Variants in FUT9 observed in about 807,000 individuals in gnomAD.
FUT9 encodes 4-galactosyl-N-acetylglucosaminide 3-alpha-L-fucosyltransferase 9.
A neutral mutation model predicts 29.7 loss-of-function variants in FUT9; 15 were observed. That is an observed-to-expected ratio of 0.51 (90% CI 0.34 to 0.78). The LOEUF is 0.78. FUT9 is among the 30% of genes least tolerant of loss of function. The probability of loss-of-function intolerance (pLI) is 0.01; values close to 1 mark genes in which losing one functional copy is unlikely to be tolerated. For missense variants in FUT9, 319 were observed against 425.4 expected (o/e 0.75, Z 2.20); for synonymous variants, 169 against 153.7 (o/e 1.10, Z -0.74).
chr6:96,189,875 G>A (rs1345421084), intron 2 of FUT9, among the ~76,000 whole-genome samples: 1 of 152,134 alleles, frequency 6.6e-6, no homozygotes, highest in Non-Finnish European at 1.5e-5. Context: ...ACCAGTCTGT[G>A]TCTTTTAATT....
intron 2 of FUT9, among the ~76,000 whole-genome samples, chr6:96,135,596 C>A (rs947794839): frequency 1.3e-5 from 2 of 151,680 alleles, no homozygotes; most frequent in Non-Finnish European, 2.9e-5. Context: ...TGCATAAAGA[C>A]ATGCACAGCA....
At chr6:96,064,939 T>C (rs564389982) in intron 1 of FUT9, among the ~76,000 whole-genome samples, 8 of 152,268 alleles carry the variant, frequency 5.3e-5, no homozygotes, top group African/African-American at 1.9e-4. Context: ...AAAGTACATC[T>C]CAAAATATGT....
chr6:96,092,922 G>A (rs1278282288), intron 1 of FUT9, among the ~76,000 whole-genome samples: 2 of 151,820 alleles, frequency 1.3e-5, no homozygotes, highest in African/African-American at 4.8e-5. Flanking sequence ...CACCATGCCT[G>A]GCTAATTAAA....
chr6:96,173,591 T>A (rs564211637), intron 2 of FUT9, among the ~76,000 whole-genome samples: 1 of 152,064 alleles, frequency 6.6e-6, no homozygotes, highest in East Asian at 1.9e-4. Context: ...TCTTTTTTCA[T>A]TTAAACTCTA....
chr6:96,214,932 T>G lies in FUT9; in HGVS notation c.*10697T>G, dbSNP rs1457987026. The G allele has an allele frequency of 1.2e-5, 2 of 166,974 alleles. No individual in the cohort carries two copies. The highest frequency in any genetic ancestry group is 4.8e-5 in the African/African-American group (2 of 41,414). The allele number at this position is 166,974 out of a possible 1,614,324, so 10.3% of individuals were successfully genotyped here. A position where few individuals can be genotyped will look rare whatever the true frequency, so the allele number is the denominator to read the frequency against. On this transcript the variant is annotated 3_prime_UTR_variant, in exon 3 of 3. Transcript: ENST00000302103. ...AATTGACTGTAGCTATTATTCCAAG[T>G]GAAAATCATGCAGCTGAGTCCTGCT...
intron 2 of FUT9, among the ~76,000 whole-genome samples, chr6:96,157,644 G>A (rs1241099339): frequency 6.6e-6 from 1 of 152,112 alleles, no homozygotes; most frequent in Non-Finnish European, 1.5e-5. Flanking sequence ...CCTCAGAAAT[G>A]CCAATGAAGA....
intron 1 of FUT9, among the ~76,000 whole-genome samples, chr6:96,078,263 C>T (rs572195269): frequency 1.1e-4 from 16 of 151,988 alleles, no homozygotes; most frequent in Non-Finnish European, 2.1e-4. Flanking sequence ...CTTTTTCTTG[C>T]TCTCTGGCTG....
chr6:96,156,526 G>A (rs746652986), intron 2 of FUT9, among the ~76,000 whole-genome samples: 2 of 152,182 alleles, frequency 1.3e-5, no homozygotes, highest in Non-Finnish European at 2.9e-5. Context: ...ATAAGCTGAT[G>A]GAGCTGGGTT....
In FUT9 at chr6:96,204,169, C is replaced by A; in HGVS notation, c.1014C>A (p.Cys338Ter). ...RFWESHACLA[C>*]DHVKRHQEYK... ...GGGAATCACATGCATGTTTGGCTTG[C>A]GATCATGTGAAAAGGCATCAAGAAT... is the stretch of plus-strand genomic sequence containing the variant. The change falls in exon 3 of 3, where the codon TGC (cysteine) becomes TGA (stop). Residue 338 changes from cysteine to a stop codon, truncating the protein, a stop_gained. Transcript: ENST00000302103. LOFTEE classifies it high-confidence loss of function. 1 of 1,487,976 alleles carries A rather than the reference C, an allele frequency of 6.7e-7. No homozygotes were observed. The highest frequency in any genetic ancestry group is 9.0e-7 in the Non-Finnish European group (1 of 1,117,274). The allele number at this position is 1,487,976 out of a possible 1,614,324, so 92.2% of individuals were successfully genotyped here. A position where few individuals can be genotyped will look rare whatever the true frequency, so the allele number is the denominator to read the frequency against.
intron 2 of FUT9, among the ~76,000 whole-genome samples, chr6:96,165,739 C>T (rs1168236216): frequency 2.6e-5 from 4 of 151,976 alleles, no homozygotes; most frequent in South Asian, 2.1e-4. Flanking sequence ...CCTCAGCCTC[C>T]GAAATAGCTG....
intron 2 of FUT9, among the ~76,000 whole-genome samples, chr6:96,154,047 G>T (rs1322830119): frequency 6.6e-6 from 1 of 152,126 alleles, no homozygotes; most frequent in Non-Finnish European, 1.5e-5. Context: ...ATGAGTGAGA[G>T]GAAAAAGTAG....
chr6:96,053,438 G>A (rs1026740072), intron 1 of FUT9, among the ~76,000 whole-genome samples: 1 of 152,202 alleles, frequency 6.6e-6, no homozygotes, highest in Non-Finnish European at 1.5e-5. Flanking sequence ...GCCTGGTGCA[G>A]TGGCTCATGC....
chr6:96,210,199 C>T lies in FUT9; in HGVS notation c.*5964C>T, dbSNP rs1220114300. 1 of 166,822 alleles carries T rather than the reference C, an allele frequency of 6.0e-6. No individual in the cohort carries two copies. Among genetic ancestry groups the T allele is most frequent in the South Asian group, 2.1e-4 (1 of 4,822 alleles). 10.3% of individuals were successfully genotyped at this position (166,822 alleles called of 1,614,324 possible). ...GTATTCTATTAAATATGAGGTATTA[C>T]CTTTCTTTAGTTCACCTGGAATCTT... is the stretch of plus-strand genomic sequence containing the variant. On this transcript the variant is annotated 3_prime_UTR_variant, in exon 3 of 3. Transcript: ENST00000302103.
chr6:96,176,895 C>T (rs1470050508), intron 2 of FUT9, among the ~76,000 whole-genome samples: 1 of 152,154 alleles, frequency 6.6e-6, no homozygotes, highest in African/African-American at 2.4e-5. Context: ...TAGTCTTAGG[C>T]TCTGCAGGTC....
intron 1 of FUT9, among the ~76,000 whole-genome samples, chr6:96,028,607 T>A (rs1013049551): frequency 6.6e-6 from 1 of 151,598 alleles, no homozygotes; most frequent in Non-Finnish European, 1.5e-5. Context: ...AAATGTTACA[T>A]CTTCTCCATA....
At chr6:96,016,501 C>T (rs1023944606) in intron 1 of FUT9, among the ~76,000 whole-genome samples, 1 of 152,172 alleles carries the variant, frequency 6.6e-6, no homozygotes, top group African/African-American at 2.4e-5. Flanking sequence ...GGCCCCGACC[C>T]TCTGGTCACC....
intron 1 of FUT9, among the ~76,000 whole-genome samples, chr6:96,056,225 T>C (rs1404569952): frequency 6.6e-6 from 1 of 152,224 alleles, no homozygotes; most frequent in Non-Finnish European, 1.5e-5. Flanking sequence ...AAAATAATGA[T>C]CAATATCTGC....
intron 1 of FUT9, among the ~76,000 whole-genome samples, chr6:96,069,891 AAAGTGCTGGG>A (rs1318051544): frequency 6.6e-6 from 1 of 152,148 alleles, no homozygotes; most frequent in Admixed American, 6.5e-5. Flanking sequence ...TCGGCCTCTC[AAAGTGCTGGG>A]ATTACAGGCG....
At chr6:96,090,407 A>G (rs1771391691) in intron 1 of FUT9, among the ~76,000 whole-genome samples, 2 of 152,196 alleles carry the variant, frequency 1.3e-5, no homozygotes, top group Non-Finnish European at 2.9e-5. Flanking sequence ...ATAGACTACA[A>G]TTTATATATT....
Sources: allele counts gnomAD v4.1 joint callset (sites outside exome capture counted in the v4.1 genomes callset), GRCh38; gene constraint gnomAD v4.1.1; transcripts MANE v1.5; gene names NCBI Gene and HGNC (gene_info 2026-07-23, HGNC 2026-07-21).